The following RNF144A variants were observed in gnomAD, a reference collection of about 807,000 sequenced individuals.
RNF144A encodes the protein E3 ubiquitin-protein ligase RNF144A.
A neutral mutation model predicts 38.7 loss-of-function variants in RNF144A; 11 were observed. The observed-to-expected ratio is 0.28, with a 90% confidence interval of 0.18 to 0.47. The LOEUF (loss-of-function observed/expected upper bound fraction) is 0.47, where lower values mean the gene tolerates loss of function less well. RNF144A is among the 20% of genes least tolerant of loss of function. The probability of loss-of-function intolerance (pLI) is 0.99; values close to 1 mark genes in which losing one functional copy is unlikely to be tolerated. For synonymous variants in RNF144A, 149 were observed against 143.9 expected, an observed-to-expected ratio of 1.04 and a Z score of -0.25; for missense variants, 316 against 377.2, an observed-to-expected ratio of 0.84 and a Z score of 1.34.
At chr2:7,014,324 TG>T in intron 3 of RNF144A, 129 bp from the exon 4 acceptor site, 1 of 697,778 alleles carries the variant, frequency 1.4e-6, no homozygotes, top group South Asian at 1.7e-5. Context: ...TGTTGGTTGC[TG>T]TGGACTACAC....
chr2:7,048,523 G>T (rs1228886448), downstream of RNF144A, among the ~76,000 whole-genome samples: 1 of 152,200 alleles, frequency 6.6e-6, no homozygotes, highest in African/African-American at 2.4e-5. Context: ...CCTAGGCAGG[G>T]TTCAGTAAGA....
intron 3 of RNF144A, among the ~76,000 whole-genome samples, chr2:7,007,219 G>A (rs1047516244): frequency 2.0e-5 from 3 of 152,154 alleles, no homozygotes; most frequent in African/African-American, 7.2e-5. Flanking sequence ...ATCCCTATCA[G>A]TCTCCCCAGC....
chr2:6,926,938 C>CG (rs1397776771), intron 1 of RNF144A, among the ~76,000 whole-genome samples: 3 of 152,076 alleles, frequency 2.0e-5, no homozygotes, highest in Admixed American at 2.0e-4. Context: ...TGGGGCAGAG[C>CG]GGGGGTGCCC....
At chr2:6,992,667 G>A (rs1267474135) in intron 2 of RNF144A, among the ~76,000 whole-genome samples, 1 of 152,216 alleles carries the variant, frequency 6.6e-6, no homozygotes, top group Admixed American at 6.5e-5. Flanking sequence ...AAGGAGTAAA[G>A]GTGGGAAGAA....
intron 2 of RNF144A, among the ~76,000 whole-genome samples, chr2:6,946,233 C>T (rs12692330): frequency 0.66 from 100,374 of 152,108 alleles, 36,304 homozygotes; most frequent in Non-Finnish European, 0.82. Context: ...AAAGAAATAT[C>T]GTGCCTGCTC....
chr2:7,074,588 T>C, the RNF144A span: 2 of 152,214 alleles, frequency 1.3e-5, no homozygotes, highest in African/African-American at 4.8e-5. Context: ...TTAGTACTCC[T>C]CTTTATTGTA....
rs1353224474 is a variant in RNF144A, at chr2:7,042,357, G to A, written c.*2597G>A. 1.0e-6 allele frequency: 1 copy of A among 985,456 alleles called. No individual in the cohort carries two copies. Among genetic ancestry groups the A allele is most frequent in the Non-Finnish European group, 1.2e-6 (1 of 829,946 alleles). 61.0% of individuals were successfully genotyped at this position (985,456 alleles called of 1,614,324 possible). ...GCGTTGAGTGGACGGACTTATTCCT[G>A]TGAAGCGGCATAATTTGTCTCCATT... On this transcript the variant is annotated 3_prime_UTR_variant, in exon 9 of 9. Coordinates refer to ENST00000320892, the MANE Select transcript of RNF144A (RefSeq NM_014746.6).
Position 7,014,496 on chromosome 2 carries a change from G to C in RNF144A, c.178G>C (p.Glu60Gln). 6.2e-7 allele frequency: 1 copy of C among 1,611,934 alleles called. No homozygotes were observed. The highest frequency in any genetic ancestry group is 8.5e-7 in the Non-Finnish European group (1 of 1,179,320). ...TGAGCTCTTGATCAAAGAAGGATTA[G>C]AAACCGCAATTAGCTGCCCAGATGC... The part of the protein sequence containing the change: ...YVELLIKEGL[E>Q]TAISCPDAAC... The change falls in exon 4 of 9, where the codon GAA becomes CAA. Residue 60 changes from glutamate (E) to glutamine (Q), a missense_variant. Physicochemically the swap from Glu to Gln is conservative, Grantham distance 29. Coordinates refer to ENST00000320892, the MANE Select transcript of RNF144A (RefSeq NM_014746.6).
chr2:7,069,139 T>C (rs1185393710), downstream of RNF144A, among the ~76,000 whole-genome samples: 1 of 152,130 alleles, frequency 6.6e-6, no homozygotes, highest in Non-Finnish European at 1.5e-5. Context: ...ATGCACCTGG[T>C]AGGTGTTGAG....
chr2:6,955,705 C>T (rs1666959397), intron 2 of RNF144A, among the ~76,000 whole-genome samples: 1 of 152,176 alleles, frequency 6.6e-6, no homozygotes, highest in Non-Finnish European at 1.5e-5. Flanking sequence ...GTGCCTGCTC[C>T]TGGCTTTGTT....
At chr2:7,026,254 A>T (rs1289322004) in intron 7 of RNF144A, among the ~76,000 whole-genome samples, 1 of 152,206 alleles carries the variant, frequency 6.6e-6, no homozygotes, top group Non-Finnish European at 1.5e-5. Context: ...CTCTTTATGA[A>T]CTTTAAATTA....
chr2:6,942,445 G>C (rs1666062609), intron 2 of RNF144A, among the ~76,000 whole-genome samples: 1 of 152,214 alleles, frequency 6.6e-6, no homozygotes, highest in Admixed American at 6.5e-5. Context: ...TTTTACTTTA[G>C]TAATCCAGAC....
At chr2:6,921,090 A>C (rs1664511129) in intron 1 of RNF144A, among the ~76,000 whole-genome samples, 2 of 152,246 alleles carry the variant, frequency 1.3e-5, no homozygotes, top group African/African-American at 4.8e-5. Flanking sequence ...TCCCAAGAGA[A>C]AATATTTTAA....
intron 1 of RNF144A, among the ~76,000 whole-genome samples, chr2:6,923,942 A>G (rs193022470): frequency 3.9e-5 from 6 of 152,280 alleles, no homozygotes; most frequent in African/African-American, 9.6e-5. Flanking sequence ...CTCAGTGCCT[A>G]TCATGCTCTT....
intron 2 of RNF144A, among the ~76,000 whole-genome samples, chr2:6,983,049 T>A (rs1668732850): frequency 6.6e-6 from 1 of 152,178 alleles, no homozygotes; most frequent in Non-Finnish European, 1.5e-5. Flanking sequence ...GGTGCTGCAG[T>A]TTCCAGGTCC....
At position 6,941,294 on chromosome 2, in the gene RNF144A, A is replaced by G. The variant is rs1015010362; in HGVS notation, c.-12+147A>G. The G allele has an allele frequency of 1.3e-5, 2 of 152,226 alleles. No individual in the cohort carries two copies. The highest frequency in any genetic ancestry group is 4.8e-5 in the African/African-American group (2 of 41,442). The allele number at this position is 152,226 out of a possible 1,614,324, so 9.4% of individuals were successfully genotyped here. A position where few individuals can be genotyped will look rare whatever the true frequency, so the allele number is the denominator to read the frequency against. ...AGCCATACCATAAAGGCAATTTTCT[A>G]GTAGGTTTCCCCGGAATGAATTTTA... On this transcript the variant is annotated intron_variant, in intron 2 of 8. Coordinates refer to ENST00000320892, the MANE Select transcript of RNF144A (RefSeq NM_014746.6). The surrounding 1 kb of genome is among the most constrained non-coding windows in gnomAD (Gnocchi z 6.5).
chr2:6,921,211 C>G (rs1347658804), intron 1 of RNF144A, among the ~76,000 whole-genome samples: 2 of 152,188 alleles, frequency 1.3e-5, no homozygotes, highest in South Asian at 4.1e-4. Flanking sequence ...ACAAATAACC[C>G]AAGACCTGAA....
chr2:7,032,872 G>A (rs540177821), intron 8 of RNF144A, among the ~76,000 whole-genome samples: 2 of 152,300 alleles, frequency 1.3e-5, no homozygotes, highest in South Asian at 2.1e-4. Flanking sequence ...CCCTCCCCAC[G>A]CAGCATAGAA....
At chr2:7,024,859 G>A (rs1671778246) in intron 7 of RNF144A, among the ~76,000 whole-genome samples, 1 of 152,158 alleles carries the variant, frequency 6.6e-6, no homozygotes, top group African/African-American at 2.4e-5. Flanking sequence ...AGATGAGGCA[G>A]GTTAAATGAC....
Sources: gnomAD v4.1 joint callset for allele counts (sites outside exome capture counted in the v4.1 genomes callset) on GRCh38, gnomAD v4.1.1 for gene constraint, Gnocchi (gnomAD v3.1) non-coding constraint, MANE v1.5 for transcripts, NCBI Gene and HGNC (gene_info 2026-07-23, HGNC 2026-07-21) for gene names.